The following LRFN2 variants were observed in gnomAD, a reference collection of about 807,000 sequenced individuals.
LRFN2 encodes leucine-rich repeat and fibronectin type-III domain-containing protein 2.
LRFN2 carries 18 observed loss-of-function variants against 37.3 expected under a neutral mutation model. The ratio of observed to expected loss-of-function variants is 0.48; its 90% CI spans 0.33 to 0.72. The LOEUF (loss-of-function observed/expected upper bound fraction) is 0.72, where lower values mean the gene tolerates loss of function less well. LRFN2 is among the 30% of genes least tolerant of loss of function. The pLI is 0.02. For missense variants in LRFN2, 1,006 were observed against 1,060.7 expected, an observed-to-expected ratio of 0.95 and a Z score of 0.72; for synonymous variants, 556 against 466.6, an observed-to-expected ratio of 1.19 and a Z score of -2.47.
intron 1 of LRFN2, among the ~76,000 whole-genome samples, chr6:40,480,438 C>A (rs895265295): frequency 5.3e-5 from 8 of 152,048 alleles, no homozygotes; most frequent in Admixed American, 5.2e-4. Flanking sequence ...GCCAGAACAC[C>A]GGTTATTTTT....
intron 1 of LRFN2, among the ~76,000 whole-genome samples, chr6:40,501,083 G>A (rs1483564565): frequency 6.6e-6 from 1 of 151,352 alleles, no homozygotes. Context: ...AATGCTGTAA[G>A]ATATTAAGTG....
chr6:40,530,291 C>A (rs1344276670), intron 1 of LRFN2, among the ~76,000 whole-genome samples: 1 of 152,172 alleles, frequency 6.6e-6, no homozygotes, highest in Non-Finnish European at 1.5e-5. Flanking sequence ...TCAGGGCAAT[C>A]AATTGCACAG....
chr6:40,431,164 G>A (rs571487998), intron 2 of LRFN2, among the ~76,000 whole-genome samples: 32 of 152,014 alleles, frequency 2.1e-4, no homozygotes, highest in Non-Finnish European at 4.1e-4. Flanking sequence ...CATTTAGTGA[G>A]TGTCCAAACT....
At chr6:40,437,003 T>C (rs1258430652) in intron 1 of LRFN2, among the ~76,000 whole-genome samples, 1 of 152,086 alleles carries the variant, frequency 6.6e-6, no homozygotes, top group African/African-American at 2.4e-5. Context: ...TGAGTGTGTG[T>C]GTGTGTGTAT....
At chr6:40,522,450 T>A (rs945694062) in intron 1 of LRFN2, among the ~76,000 whole-genome samples, 1 of 151,888 alleles carries the variant, frequency 6.6e-6, no homozygotes, top group Non-Finnish European at 1.5e-5. Context: ...TGGAGGGTGG[T>A]ATGAGGGTGT....
chr6:40,572,120 T>C (rs1767200187), intron 1 of LRFN2, among the ~76,000 whole-genome samples: 1 of 152,244 alleles, frequency 6.6e-6, no homozygotes, highest in East Asian at 1.9e-4. Flanking sequence ...AATCCCTGCA[T>C]GCCACTTATC....
At chr6:40,458,281 G>A (rs942630942) in intron 1 of LRFN2, among the ~76,000 whole-genome samples, 8 of 152,198 alleles carry the variant, frequency 5.3e-5, no homozygotes, top group Admixed American at 3.9e-4. Context: ...GTTAGATCAA[G>A]TAGTGGGCAA....
intron 2 of LRFN2, among the ~76,000 whole-genome samples, chr6:40,395,230 G>A (rs914195000): frequency 6.6e-6 from 1 of 152,210 alleles, no homozygotes; most frequent in South Asian, 2.1e-4. Flanking sequence ...GACTCAGAGA[G>A]GGTAAGTGAT....
At chr6:40,452,990 G>A (rs540186020) in intron 1 of LRFN2, among the ~76,000 whole-genome samples, 1 of 152,312 alleles carries the variant, frequency 6.6e-6, no homozygotes, top group African/African-American at 2.4e-5. Context: ...AAATAAGAGT[G>A]ACTCTTTGCT....
chr6:40,450,488 C>T (rs1382099971), intron 1 of LRFN2, among the ~76,000 whole-genome samples: 4 of 152,236 alleles, frequency 2.6e-5, no homozygotes, highest in African/African-American at 4.8e-5. Context: ...GGAGGAGCAC[C>T]TCCTCACAGG....
intron 1 of LRFN2, among the ~76,000 whole-genome samples, chr6:40,443,861 G>A (rs932908175): frequency 1.3e-5 from 2 of 152,190 alleles, no homozygotes; most frequent in African/African-American, 4.8e-5. Flanking sequence ...AGGGACAAAG[G>A]TAGAGGGCAG....
chr6:40,529,157 G>C (rs1336946112), intron 1 of LRFN2, among the ~76,000 whole-genome samples: 5 of 152,164 alleles, frequency 3.3e-5, no homozygotes, highest in East Asian at 1.9e-4. Flanking sequence ...GAAATAATTT[G>C]AGGTATCTGG....
chr6:40,423,407 A>C (rs1763274555), intron 2 of LRFN2, among the ~76,000 whole-genome samples: 1 of 152,206 alleles, frequency 6.6e-6, no homozygotes, highest in African/African-American at 2.4e-5. Context: ...CTCTCAGCTA[A>C]CCAGTATGCC....
chr6:40,438,157 G>T (rs1416384735), intron 1 of LRFN2, among the ~76,000 whole-genome samples: 2 of 152,184 alleles, frequency 1.3e-5, no homozygotes, highest in Non-Finnish European at 2.9e-5. Context: ...AGGCAGGGTG[G>T]CAAAGAGAGG....
chr6:40,414,526 T>C (rs2504829), intron 2 of LRFN2, among the ~76,000 whole-genome samples: 83,756 of 152,152 alleles, frequency 0.55, 25,303 homozygotes, highest in South Asian at 0.79. Context: ...ACTCTTATTA[T>C]CCTTATCTTT....
At chr6:40,500,696 G>C (rs759349332) in intron 1 of LRFN2, among the ~76,000 whole-genome samples, 13 of 152,192 alleles carry the variant, frequency 8.5e-5, no homozygotes, top group Non-Finnish European at 1.8e-4. Context: ...CAGTGCACTG[G>C]ACTGCAACTA....
chr6:40,402,645 G>C (rs2113798205), intron 2 of LRFN2, among the ~76,000 whole-genome samples: 1 of 152,302 alleles, frequency 6.6e-6, no homozygotes, highest in South Asian at 2.1e-4. Context: ...TAGGTGACTT[G>C]ACTAAGCTCT....
At chr6:40,430,838 C>G (rs1763461113) in intron 2 of LRFN2, among the ~76,000 whole-genome samples, 1 of 152,124 alleles carries the variant, frequency 6.6e-6, no homozygotes, top group Non-Finnish European at 1.5e-5. Context: ...TGGTCTGACT[C>G]AGTCAGCGCT....
chr6:40,576,730 G>A (rs899841250), intron 1 of LRFN2, among the ~76,000 whole-genome samples: 1 of 152,180 alleles, frequency 6.6e-6, no homozygotes, highest in Non-Finnish European at 1.5e-5. Context: ...TCCACCCCAA[G>A]AGAGAGACAC....
Sources: gnomAD v4.1 joint callset for allele counts (sites outside exome capture counted in the v4.1 genomes callset) on GRCh38, gnomAD v4.1.1 for gene constraint, MANE v1.5 for transcripts, NCBI Gene and HGNC (gene_info 2026-07-23, HGNC 2026-07-21) for gene names.